SBF2: variants seen among roughly 807,000 people sequenced by gnomAD.
The protein encoded by SBF2 is SET binding factor 2, also known as myotubularin-related protein 13.
A neutral mutation model predicts 225.2 loss-of-function variants in SBF2; 112 were observed. The observed-to-expected ratio is 0.50, with a 90% confidence interval of 0.43 to 0.58. The LOEUF (loss-of-function observed/expected upper bound fraction) is 0.58, where lower values mean the gene tolerates loss of function less well. SBF2 is among the 20% of genes least tolerant of loss of function. The pLI, the probability that SBF2 is intolerant of heterozygous loss-of-function variation, is 0.00. For synonymous variants in SBF2, 763 were observed against 773.3 expected (o/e 0.99, Z 0.22); for missense variants, 1,996 against 2,206.2 (o/e 0.90, Z 1.91).
chr11:10,226,401 A>G (rs1029345710), intron 1 of SBF2, among the ~76,000 whole-genome samples: 4 of 152,126 alleles, frequency 2.6e-5, no homozygotes, highest in African/African-American at 9.7e-5. Flanking sequence ...ACATATGTAT[A>G]CATGTGCCAT....
At chr11:10,134,496 A>G (rs900381609) in intron 2 of SBF2, among the ~76,000 whole-genome samples, 4 of 152,194 alleles carry the variant, frequency 2.6e-5, no homozygotes, top group Admixed American at 2.6e-4. Flanking sequence ...AGACAAGGCA[A>G]GTCCTTTCTG....
intron 16 of SBF2, among the ~76,000 whole-genome samples, chr11:9,948,282 G>A (rs1865676337): frequency 1.3e-5 from 2 of 151,958 alleles, no homozygotes; most frequent in African/African-American, 2.4e-5. Flanking sequence ...GGGAGTTATC[G>A]TTTAATAGAT....
At chr11:10,122,653 C>T (rs1435405585) in intron 2 of SBF2, among the ~76,000 whole-genome samples, 2 of 152,224 alleles carry the variant, frequency 1.3e-5, no homozygotes, top group Admixed American at 6.5e-5. Context: ...TTGACACTCA[C>T]TCAGTTATTA....
chr11:10,028,608 T>C (rs1565150644), intron 5 of SBF2, 51 bp from the exon 6 acceptor site: 5 of 1,236,384 alleles, frequency 4.0e-6, no homozygotes, highest in Non-Finnish European at 6.0e-6. Flanking sequence ...TCAGCCATTT[T>C]TTAAAAAATA....
intron 13 of SBF2, among the ~76,000 whole-genome samples, chr11:9,976,279 G>A (rs573837672): frequency 1.2e-4 from 18 of 152,032 alleles, no homozygotes; most frequent in Admixed American, 3.3e-4. Context: ...TCACCATGTT[G>A]GGCAGGCTGG....
intron 6 of SBF2, among the ~76,000 whole-genome samples, chr11:10,020,018 G>A (rs1313993131): frequency 6.6e-6 from 1 of 152,088 alleles, no homozygotes; most frequent in African/African-American, 2.4e-5. Context: ...AGCAGAGCAG[G>A]AGAACCTCCT....
intron 16 of SBF2, among the ~76,000 whole-genome samples, chr11:9,946,237 G>T (rs758539764): frequency 6.6e-6 from 1 of 152,114 alleles, no homozygotes; most frequent in African/African-American, 2.4e-5. Context: ...ATACACCATG[G>T]AATACTAAGC....
chr11:9,790,929 T>G (rs1852702786), intron 33 of SBF2: 2 of 393,274 alleles, frequency 5.1e-6, no homozygotes, highest in Non-Finnish European at 9.4e-6. Context: ...CAGCAGTCTA[T>G]CAATCATGAC....
At chr11:9,919,568 T>G (rs1170929366) in intron 16 of SBF2, among the ~76,000 whole-genome samples, 1 of 151,964 alleles carries the variant, frequency 6.6e-6, no homozygotes, top group Non-Finnish European at 1.5e-5. Context: ...CACCGGTAAT[T>G]AGGTCGTAAC....
At chr11:9,932,957 CAAAAAAAAAAAAAAA>C (rs574177096) in intron 16 of SBF2, among the ~76,000 whole-genome samples, 1 of 58,774 alleles carries the variant, frequency 1.7e-5, no homozygotes, top group East Asian at 2.4e-3. Flanking sequence ...AAACGAAAAG[CAAAAAAAAAAAAAAA>C]AAAAAAAAAA....
intron 2 of SBF2, among the ~76,000 whole-genome samples, chr11:10,193,314 T>C (rs1957245584): frequency 6.6e-6 from 1 of 151,986 alleles, no homozygotes; most frequent in East Asian, 1.9e-4. Context: ...CAGTGGAATT[T>C]TTCTGCTTTT....
chr11:9,788,589 C>CTT (rs34787805), intron 35 of SBF2, among the ~76,000 whole-genome samples: 9 of 122,316 alleles, frequency 7.4e-5, no homozygotes, highest in East Asian at 2.4e-4. Context: ...TGGAAAATCA[C>CTT]TTTTTTTTTT....
intron 17 of SBF2, among the ~76,000 whole-genome samples, chr11:9,891,590 G>A (rs1287648107): frequency 6.6e-6 from 1 of 152,096 alleles, no homozygotes; most frequent in Non-Finnish European, 1.5e-5. Context: ...GAAAATGAAA[G>A]TACCATATAA....
At chr11:10,226,256 C>T (rs1319970012) in intron 1 of SBF2, among the ~76,000 whole-genome samples, 1 of 152,130 alleles carries the variant, frequency 6.6e-6, no homozygotes, top group African/African-American at 2.4e-5. Flanking sequence ...AGTCACAAAA[C>T]AGCATTATAC....
rs1590958649 is a variant in SBF2 at position 10,101,923 on chromosome 11, G to GCTAGGGGTCCCTGAAA, written c.142-58958_142-58943dup. On this transcript the variant is annotated intron_variant, in intron 2 of 39. Transcript: ENST00000256190. ...GGCAGGCTGGTCAGTTACAAACTTT[G>GCTAGGGGTCCCTGAAA]CTAGGGGTCCCTGAAACCAATACTA... Among the ~76,000 whole-genome samples the GCTAGGGGTCCCTGAAA allele has an allele frequency of 5.3e-5, 8 of 152,098 alleles. No homozygotes were observed. In the East Asian group the frequency reaches 1.4e-3, roughly 26 times the overall value.
chr11:10,109,785 C>A (rs1952746957), intron 2 of SBF2, among the ~76,000 whole-genome samples: 1 of 152,176 alleles, frequency 6.6e-6, no homozygotes, highest in Non-Finnish European at 1.5e-5. Flanking sequence ...ATTGATCTCT[C>A]TTTCATAAAA....
At chr11:9,815,298 A>G (rs1217030674) in intron 29 of SBF2, among the ~76,000 whole-genome samples, 1 of 148,988 alleles carries the variant, frequency 6.7e-6, no homozygotes, top group African/African-American at 2.4e-5. Context: ...AAAAAAAAAA[A>G]AAAAAAAAAA....
At chr11:9,820,770 G>C (rs1027722697) in intron 28 of SBF2, among the ~76,000 whole-genome samples, 1 of 152,166 alleles carries the variant, frequency 6.6e-6, no homozygotes, top group African/African-American at 2.4e-5. Context: ...CTACAAGATT[G>C]TGTGTGTGAA....
intron 1 of SBF2, among the ~76,000 whole-genome samples, chr11:10,255,933 G>T (rs1217606435): frequency 6.6e-6 from 1 of 152,208 alleles, no homozygotes; most frequent in Admixed American, 6.5e-5. Flanking sequence ...AGCGCCACAA[G>T]CAAAGTCCCT....
Sources: allele counts gnomAD v4.1 joint callset (sites outside exome capture counted in the v4.1 genomes callset), GRCh38; gene constraint gnomAD v4.1.1; transcripts MANE v1.5; gene names NCBI Gene and HGNC (gene_info 2026-07-23, HGNC 2026-07-21).